Variants in DUSP15 observed in about 807,000 individuals in gnomAD.
DUSP15 encodes dual specificity protein phosphatase 15.
DUSP15 carries 23 observed loss-of-function variants against 26.3 expected under a neutral mutation model. The ratio of observed to expected loss-of-function variants is 0.87; its 90% CI spans 0.63 to 1.24. The LOEUF (loss-of-function observed/expected upper bound fraction) is 1.24, where lower values mean the gene tolerates loss of function less well. Among genes scored for constraint, DUSP15 ranks in the 50% most tolerant of loss-of-function variants. The pLI is 0.00. For synonymous variants in DUSP15, 143 were observed against 135.5 expected, an observed-to-expected ratio of 1.06 and a Z score of -0.39; for missense variants, 364 against 320.6, an observed-to-expected ratio of 1.14 and a Z score of -1.03.
At chr20:31,862,802 G>A in intron 5 of DUSP15, 60 bp from the exon 6 acceptor site, 1 of 1,498,344 alleles carries the variant, frequency 6.7e-7, no homozygotes, top group Non-Finnish European at 9.0e-7. Flanking sequence ...CATGCCCCCA[G>A]GCACCCCACC....
intron 2 of DUSP15, among the ~76,000 whole-genome samples, chr20:31,867,640 T>TG (rs1316758472): frequency 1.6e-3 from 67 of 42,550 alleles, no homozygotes; most frequent in African/African-American, 6.0e-3. Context: ...TGTTTTTTTT[T>TG]TTTTTTTTTT....
Position 31,870,477 on chromosome 20 carries a change from C to T in DUSP15, c.-140G>A. ...GCCTGGCGTCCGCGGCCCTGCCCAG[C>T]CCTGCCCAGCCACCGCCACCGCCCG... On this transcript the variant is annotated 5_prime_UTR_variant, in exon 1 of 7. Coordinates refer to ENST00000339738, the MANE Select transcript of DUSP15 (RefSeq NM_080611.5). This position sits in a 1 kb window ranked among gnomAD's most constrained non-coding sequence, Gnocchi z 6.6. 2 of 1,364,892 alleles carry T rather than the reference C, an allele frequency of 1.5e-6. No homozygotes were observed. The highest frequency in any genetic ancestry group is 3.5e-5 in the South Asian group (2 of 57,026). The allele number at this position is 1,364,892 out of a possible 1,614,324, so 84.5% of individuals were successfully genotyped here. A position where few individuals can be genotyped will look rare whatever the true frequency, so the allele number is the denominator to read the frequency against.
chr20:31,863,571 A>T (rs1040868362), intron 5 of DUSP15: 4 of 249,468 alleles, frequency 1.6e-5, no homozygotes, highest in Non-Finnish European at 3.1e-5. Context: ...CCTGGAGGGG[A>T]GGAGGGAGGC....
downstream of DUSP15, among the ~76,000 whole-genome samples, chr20:31,847,060 T>C (rs1261718465): frequency 6.6e-6 from 1 of 152,066 alleles, no homozygotes; most frequent in Non-Finnish European, 1.5e-5. Context: ...GACGGCATCC[T>C]CTCTGCTCTC....
At position 31,867,090 on chromosome 20, in the gene DUSP15, G is replaced by A; in HGVS notation, c.119C>T (p.Ser40Leu). The part of the protein sequence containing the change: ...KITHIISIHE[S>L]PQPLLQDITY... ...AAGTACCTGCAGCAGAGGCTGGGGT[G>A]ACTCATGGATAGAGATGATGTGTGT... The change falls in exon 3 of 7, where the codon TCA becomes TTA. Residue 40 changes from serine to leucine, a missense_variant. Ser to Leu is a moderately radical substitution (Grantham distance 145, BLOSUM62 -2). Transcript: ENST00000339738. 6.3e-7 allele frequency: 1 copy of A among 1,588,340 alleles called. No individual in the cohort carries two copies.
chr20:31,864,960 C>T lies in DUSP15; in HGVS notation c.181G>A (p.Val61Ile). 6.2e-7 allele frequency: 1 copy of T among 1,613,994 alleles called. No homozygotes were observed. Among genetic ancestry groups the T allele is most frequent in the Non-Finnish European group, 8.5e-7 (1 of 1,179,982 alleles). ...CCATCCAGGGGAACTTACATGGGTACCTCAGGGGTATCAGCGACCGGGATG... is the reference window on the plus strand; with the variant it reads ...CCATCCAGGGGAACTTACATGGGTATCTCAGGGGTATCAGCGACCGGGATG... The part of the protein sequence containing the change: ...LRIPVADTPE[V>I]PIKKHFKECI... The change falls in exon 4 of 7, where the codon GTA (valine) becomes ATA (isoleucine). Residue 61 changes from valine to isoleucine, a missense_variant. Coordinates refer to ENST00000339738, the MANE Select transcript of DUSP15 (RefSeq NM_080611.5).
rs377543819 is a variant in DUSP15 at position 31,867,191 on chromosome 20, G to A, written c.56-38C>T. On this transcript the variant is annotated intron_variant, in intron 2 of 6. Transcript: ENST00000339738. ...GGATGCTTGAGCCAATCTGGCTGGC[G>A]GGATGTCCTGATGGCCAAGTGCGGA... 2.5e-4 allele frequency: 390 copies of A among 1,547,244 alleles called. 5 individuals are homozygous for A. The South Asian group carries it at 3.6e-3, about 14-fold the overall frequency.
intron 2 of DUSP15, among the ~76,000 whole-genome samples, chr20:31,868,643 C>A (rs1008566873): frequency 2.0e-5 from 3 of 152,016 alleles, no homozygotes; most frequent in Non-Finnish European, 2.9e-5. Flanking sequence ...TCGTGCCTGG[C>A]TGATTTTTGT....
chr20:31,848,757 AG>A (rs1250644012), intron 9 of DUSP15: 1 of 1,562,740 alleles, frequency 6.4e-7, no homozygotes, highest in Non-Finnish European at 8.7e-7. Flanking sequence ...GGCTGTCTGG[AG>A]GGGACTGGAG....
chr20:31,855,575 T>A (rs1374321968), intron 6 of DUSP15, among the ~76,000 whole-genome samples: 1 of 152,172 alleles, frequency 6.6e-6, no homozygotes, highest in Non-Finnish European at 1.5e-5. Context: ...AGTGGTGGAT[T>A]GAGGGATGGG....
intron 6 of DUSP15, among the ~76,000 whole-genome samples, chr20:31,854,778 C>T (rs772065727): frequency 5.9e-5 from 9 of 152,018 alleles, no homozygotes; most frequent in East Asian, 1.9e-4. Context: ...AGTCAACTCT[C>T]GTTATTTGAG....
chr20:31,847,245 G>C (rs1266402515), downstream of DUSP15, among the ~76,000 whole-genome samples: 1 of 152,228 alleles, frequency 6.6e-6, no homozygotes, highest in Non-Finnish European at 1.5e-5. Context: ...CATCTAGTGA[G>C]TGACAAAGCT....
chr20:31,846,207 CAT>C (rs2062375620), downstream of DUSP15, among the ~76,000 whole-genome samples: 2 of 150,878 alleles, frequency 1.3e-5, no homozygotes, highest in Admixed American at 1.3e-4. Flanking sequence ...CACACAGACA[CAT>C]AGGCATACAC....
intron 6 of DUSP15, among the ~76,000 whole-genome samples, chr20:31,855,538 G>C (rs2062546263): frequency 6.6e-6 from 1 of 152,220 alleles, no homozygotes; most frequent in Admixed American, 6.5e-5. Flanking sequence ...AGAAGGGTTT[G>C]AAGCCAAGGA....
Position 31,862,707 on chromosome 20 carries a change from G to C in DUSP15, c.299C>G (p.Thr100Arg). The change falls in exon 6 of 7, where the codon ACA becomes AGA. Residue 100 changes from threonine (T) to arginine (R), a missense_variant. Physicochemically the swap from Thr to Arg is moderately conservative, Grantham distance 71. Coordinates refer to ENST00000339738, the MANE Select transcript of DUSP15 (RefSeq NM_080611.5). ...AGISRSTTIV[T>R]AYVMTVTGLG... Reference sequence around the variant, plus strand: ...CCCCGTCACAGTCATCACATACGCTGTCACAATCGTGGTGCTGCGAGAGAT... The same window carrying C: ...CCCCGTCACAGTCATCACATACGCTCTCACAATCGTGGTGCTGCGAGAGAT... The C allele has an allele frequency of 2.5e-6, 4 of 1,613,062 alleles. No homozygotes were observed. The highest frequency in any genetic ancestry group is 3.4e-6 in the Non-Finnish European group (4 of 1,179,276).
intron 3 of DUSP15, among the ~76,000 whole-genome samples, chr20:31,866,347 G>T (rs151314034): frequency 6.6e-6 from 1 of 152,280 alleles, no homozygotes; most frequent in East Asian, 1.9e-4. Context: ...TATTTATGTG[G>T]TTCCCAACCA....
downstream of DUSP15, chr20:31,860,985 AGGCTGCTGGCCCCTGGCAGTCCTGCT>A (rs2062635951): frequency 9.9e-7 from 1 of 1,006,390 alleles, no homozygotes; most frequent in Admixed American, 6.0e-5. Context: ...CCTTTTCTGC[AGGCTGCTGGCCCCTGGCAGTCCTGCT>A]GGCTCCTGGC....
intron 6 of DUSP15, among the ~76,000 whole-genome samples, chr20:31,851,406 C>T (rs1568660137): frequency 1.3e-5 from 2 of 151,608 alleles, no homozygotes; most frequent in East Asian, 1.9e-4. Flanking sequence ...GTGAGGGAGC[C>T]GGAGGTGATG....
chr20:31,869,409 C>T (rs975857369), intron 2 of DUSP15, among the ~76,000 whole-genome samples, 155 bp downstream of exon 2: 3 of 152,234 alleles, frequency 2.0e-5, no homozygotes, highest in African/African-American at 7.2e-5. Context: ...ATGTGCACCC[C>T]TTGTCCTCCA....
Sources: gnomAD v4.1 joint callset for allele counts (sites outside exome capture counted in the v4.1 genomes callset) on GRCh38, gnomAD v4.1.1 for gene constraint, Gnocchi (gnomAD v3.1) non-coding constraint, MANE v1.5 for transcripts, NCBI Gene and HGNC (gene_info 2026-07-23, HGNC 2026-07-21) for gene names.